RAPGEF6: variants seen among roughly 807,000 people sequenced by gnomAD.
RAPGEF6 encodes the protein Rap guanine nucleotide exchange factor 6.
Under a neutral mutation model 171.4 loss-of-function variants are expected in RAPGEF6, and 56 were observed. The observed-to-expected ratio is 0.33, with a 90% CI of 0.26 to 0.41. The LOEUF (loss-of-function observed/expected upper bound fraction) is 0.41. RAPGEF6 is among the 10% of genes least tolerant of loss of function. The pLI is 1.00. For missense variants in RAPGEF6, 1,674 were observed against 1,921.4 expected (o/e 0.87, Z 2.41); for synonymous variants, 692 against 650.1 (o/e 1.06, Z -0.98).
chr5:131,535,931 T>C lies in RAPGEF6; in HGVS notation c.495+12116A>G, dbSNP rs527733980. On this transcript the variant is annotated intron_variant, in intron 6 of 27. Transcript: ENST00000509018. ...CATAAGAGGATAAACATTCTAGGCA[T>C]TATGAAAAACAAACAAAACTAATGA... is the stretch of plus-strand genomic sequence containing the variant. Among the ~76,000 whole-genome samples, 8 of 152,224 alleles carry C rather than the reference T, an allele frequency of 5.3e-5. No homozygotes were observed. In the South Asian group the frequency reaches 1.7e-3, roughly 32 times the overall value.
chr5:131,555,120 A>G (rs1441338049), intron 5 of RAPGEF6, among the ~76,000 whole-genome samples: 3 of 152,218 alleles, frequency 2.0e-5, no homozygotes, highest in African/African-American at 7.2e-5. Flanking sequence ...CAGAATCCTG[A>G]TATTTTTGAG....
chr5:131,469,800 C>A, intron 17 of RAPGEF6: 2 of 1,515,890 alleles, frequency 1.3e-6, no homozygotes, highest in Non-Finnish European at 8.8e-7. Context: ...AAGATACTTA[C>A]AATAAAAACC....
chr5:131,504,491 A>G (rs1289084984), intron 11 of RAPGEF6, 135 bp downstream of exon 11: 1 of 975,644 alleles, frequency 1.0e-6, no homozygotes. Context: ...GAGAAAGACA[A>G]AGAGTCAACA....
At chr5:131,599,440 C>G (rs1414086272) in intron 3 of RAPGEF6, among the ~76,000 whole-genome samples, 1 of 151,896 alleles carries the variant, frequency 6.6e-6, no homozygotes, top group Non-Finnish European at 1.5e-5. Flanking sequence ...AACAAATGAG[C>G]AAAATAAACA....
At chr5:131,527,621 G>A (rs1329956157) in intron 6 of RAPGEF6, among the ~76,000 whole-genome samples, 2 of 152,092 alleles carry the variant, frequency 1.3e-5, no homozygotes, top group East Asian at 3.9e-4. Flanking sequence ...CACAGAAGGT[G>A]AAATAGAAGA....
intron 1 of RAPGEF6, among the ~76,000 whole-genome samples, chr5:131,623,268 T>C (rs1580695522): frequency 6.6e-6 from 1 of 152,216 alleles, no homozygotes; most frequent in African/African-American, 2.4e-5. Flanking sequence ...TTTCAAGATA[T>C]TACTAAGTTT....
chr5:131,606,055 AAAAAGAAAAG>A (rs1305152614), intron 1 of RAPGEF6, among the ~76,000 whole-genome samples: 1 of 126,602 alleles, frequency 7.9e-6, no homozygotes, highest in East Asian at 2.0e-4. Flanking sequence ...AAAAAAAAAG[AAAAAGAAAAG>A]AAAAGAAAAG....
chr5:131,457,419 T>C (rs1753591518), intron 19 of RAPGEF6, among the ~76,000 whole-genome samples: 1 of 152,144 alleles, frequency 6.6e-6, no homozygotes, highest in African/African-American at 2.4e-5. Flanking sequence ...TTGGTACAAA[T>C]CTGTTTGAGA....
At chr5:131,519,843 C>A (rs1229567410) in intron 7 of RAPGEF6, among the ~76,000 whole-genome samples, 1 of 152,156 alleles carries the variant, frequency 6.6e-6, no homozygotes. Context: ...TGCAACAATT[C>A]TTCTTTCACA....
intron 6 of RAPGEF6, among the ~76,000 whole-genome samples, chr5:131,539,884 A>C (rs919648939): frequency 1.3e-5 from 2 of 152,238 alleles, no homozygotes; most frequent in Non-Finnish European, 2.9e-5. Flanking sequence ...AAAATGAAAA[A>C]GTAGATTCTA....
chr5:131,504,653 T>A lies in RAPGEF6; in HGVS notation c.1227A>T (p.Gly409=). The A allele has an allele frequency of 6.2e-7, 1 of 1,611,348 alleles. No homozygotes were observed. The highest frequency in any genetic ancestry group is 8.5e-7 in the Non-Finnish European group (1 of 1,179,196). The change falls in exon 11 of 28, where the codon GGA becomes GGT. Residue 409 remains glycine (G), a synonymous_variant. Transcript: ENST00000509018. The part of the protein sequence containing the change: ...VHEHRELDRS[G]TRKGHIVIKA... ...TGATCACAATGTGTCCTTTCCTGGTTCCACTCCGGTCTAGTTCCCGATGCT... is the reference window on the plus strand; with the variant it reads ...TGATCACAATGTGTCCTTTCCTGGTACCACTCCGGTCTAGTTCCCGATGCT...
intron 6 of RAPGEF6, among the ~76,000 whole-genome samples, chr5:131,522,576 C>T (rs891857818): frequency 1.3e-5 from 2 of 152,112 alleles, no homozygotes; most frequent in South Asian, 2.1e-4. Flanking sequence ...AAGTACATCA[C>T]GAACTTCCCC....
At chr5:131,623,930 AAC>A (rs1301401095) in intron 1 of RAPGEF6, among the ~76,000 whole-genome samples, 1 of 152,232 alleles carries the variant, frequency 6.6e-6, no homozygotes, top group Admixed American at 6.5e-5. Flanking sequence ...AAGTAATCAT[AAC>A]ACAGCACAGT....
intron 1 of RAPGEF6, among the ~76,000 whole-genome samples, chr5:131,634,755 C>A (rs953030435): frequency 3.3e-5 from 5 of 152,172 alleles, no homozygotes; most frequent in African/African-American, 1.2e-4. Context: ...AGGACGGGTA[C>A]GCGGGTTAAG....
chr5:131,461,621 T>C, intron 19 of RAPGEF6, 84 bp downstream of exon 19: 1 of 1,269,284 alleles, frequency 7.9e-7, no homozygotes, highest in Non-Finnish European at 1.1e-6. Flanking sequence ...TTTCTTTTCA[T>C]AGGCATTGAA....
At chr5:131,564,578 A>G (rs930265445) in intron 4 of RAPGEF6, among the ~76,000 whole-genome samples, 8 of 152,244 alleles carry the variant, frequency 5.3e-5, no homozygotes, top group Admixed American at 5.2e-4. Flanking sequence ...GAACCCAGTG[A>G]CATAAAATTC....
chr5:131,480,233 C>T (rs528738188), intron 15 of RAPGEF6, among the ~76,000 whole-genome samples: 1 of 152,136 alleles, frequency 6.6e-6, no homozygotes, highest in Admixed American at 6.5e-5. Context: ...ATACAGTATT[C>T]TTGGGATGCA....
intron 15 of RAPGEF6, among the ~76,000 whole-genome samples, chr5:131,480,251 G>A (rs1476098626): frequency 1.3e-5 from 2 of 152,100 alleles, no homozygotes; most frequent in Non-Finnish European, 2.9e-5. Flanking sequence ...GCAAAAACCT[G>A]CGTATGGCTC....
intron 20 of RAPGEF6, among the ~76,000 whole-genome samples, chr5:131,453,793 T>C (rs1215998597): frequency 6.6e-6 from 1 of 152,178 alleles, no homozygotes; most frequent in African/African-American, 2.4e-5. Context: ...ATTGGACACA[T>C]GAATTGTTCA....
Sources: allele counts gnomAD v4.1 joint callset (sites outside exome capture counted in the v4.1 genomes callset), GRCh38; gene constraint gnomAD v4.1.1; transcripts MANE v1.5; gene names NCBI Gene and HGNC (gene_info 2026-07-23, HGNC 2026-07-21).